EYS: variants seen among roughly 807,000 people sequenced by gnomAD.
EYS encodes protein eyes shut homolog.
EYS carries 250 observed loss-of-function variants against 282.1 expected under a neutral mutation model. The observed-to-expected ratio is 0.89, with a 90% CI of 0.80 to 0.98. The LOEUF (loss-of-function observed/expected upper bound fraction) is 0.98. Ranked by LOEUF, EYS falls within the 50% of genes least tolerant of loss-of-function variation. The probability of loss-of-function intolerance (pLI) is 0.00; values close to 1 mark genes in which losing one functional copy is unlikely to be tolerated. For synonymous variants in EYS, 1,355 were observed against 1,282.9 expected (o/e 1.06, Z -1.20); for missense variants, 4,016 against 3,709.0 (o/e 1.08, Z -2.15).
chr6:64,017,782 T>C (rs986043530), intron 33 of EYS, among the ~76,000 whole-genome samples: 1 of 152,212 alleles, frequency 6.6e-6, no homozygotes, highest in Non-Finnish European at 1.5e-5. Context: ...ACAGTCAATA[T>C]GCTCGTAATG....
chr6:65,552,732 G>A (rs999804339), intron 2 of EYS, among the ~76,000 whole-genome samples: 1 of 151,788 alleles, frequency 6.6e-6, no homozygotes, highest in African/African-American at 2.4e-5. Flanking sequence ...TTCTCACAAG[G>A]GGTTCAAACC....
In EYS at chr6:65,295,953, C is replaced by T. The variant is rs2150286271; in HGVS notation, c.1933G>A (p.Glu645Lys). The change falls in exon 12 of 43, where the codon GAA (glutamate) becomes AAA (lysine). Residue 645 changes from glutamate to lysine, a missense_variant. Transcript: ENST00000503581. The part of the protein sequence containing the change: ...YERNICEIDT[E>K]DCKSASCKNG... ...TTGCAGGACGCAGATTTGCAGTCTT[C>T]AGTATCTATCTCACAGATGTTCCTT... The T allele has an allele frequency of 1.9e-6, 3 of 1,551,088 alleles. No individual in the cohort carries two copies. The highest frequency in any genetic ancestry group is 1.4e-5 in the African/African-American group (1 of 73,080).
intron 22 of EYS, among the ~76,000 whole-genome samples, chr6:64,808,071 TTCCCTTCCCTTCC>T (rs1438033007): frequency 6.9e-6 from 1 of 144,156 alleles, no homozygotes; most frequent in Admixed American, 7.1e-5. Context: ...TTCCCTTTCT[TTCCCTTCCCTTCC>T]TCCCTTCCCT....
intron 28 of EYS, among the ~76,000 whole-genome samples, chr6:64,419,345 T>C (rs916188398): frequency 6.6e-6 from 1 of 152,096 alleles, no homozygotes; most frequent in Non-Finnish European, 1.5e-5. Flanking sequence ...AAGATGAGAT[T>C]TGGGTGAGGA....
At chr6:63,962,122 A>G (rs995786196) in intron 35 of EYS, among the ~76,000 whole-genome samples, 5 of 152,228 alleles carry the variant, frequency 3.3e-5, no homozygotes, top group African/African-American at 1.2e-4. Flanking sequence ...GATGGATTAA[A>G]GACTTAGATG....
intron 35 of EYS, among the ~76,000 whole-genome samples, chr6:63,898,133 C>T (rs1385886388): frequency 3.3e-5 from 5 of 152,244 alleles, no homozygotes; most frequent in East Asian, 3.9e-4. Context: ...TCCCTAATAA[C>T]GATTTCTGTA....
At chr6:65,592,039 G>A (rs891527184) in intron 2 of EYS, among the ~76,000 whole-genome samples, 3 of 151,682 alleles carry the variant, frequency 2.0e-5, no homozygotes, top group Admixed American at 6.6e-5. Context: ...TTTTGAAAAT[G>A]GTATTTCTAG....
At chr6:65,542,261 T>C (rs1768194778) in intron 2 of EYS, among the ~76,000 whole-genome samples, 1 of 152,148 alleles carries the variant, frequency 6.6e-6, no homozygotes, top group African/African-American at 2.4e-5. Flanking sequence ...ATCAACTAGA[T>C]ATAGTAGGCA....
At chr6:64,446,392 T>C (rs572934072) in intron 26 of EYS, among the ~76,000 whole-genome samples, 2 of 152,060 alleles carry the variant, frequency 1.3e-5, no homozygotes, top group Non-Finnish European at 2.9e-5. Flanking sequence ...AAATGAATAA[T>C]AGAAACTCTG....
At chr6:63,820,384 TA>T (rs1437094243) in intron 36 of EYS, among the ~76,000 whole-genome samples, 3 of 152,206 alleles carry the variant, frequency 2.0e-5, no homozygotes, top group African/African-American at 7.2e-5. Context: ...ACCTCACAAA[TA>T]GTTTCTTCAA....
At chr6:64,691,895 T>A (rs971974215) in intron 22 of EYS, among the ~76,000 whole-genome samples, 3 of 152,190 alleles carry the variant, frequency 2.0e-5, no homozygotes, top group African/African-American at 7.2e-5. Context: ...TTATCCAATC[T>A]ATAATTGATG....
At chr6:64,822,617 C>T in intron 20 of EYS, 34 bp downstream of exon 20, 3 of 1,467,576 alleles carry the variant, frequency 2.0e-6, no homozygotes, top group Non-Finnish European at 2.7e-6. Flanking sequence ...GTTAAATATA[C>T]TTTCATAAAG....
At chr6:65,327,120 A>G (rs1769644050) in intron 11 of EYS, among the ~76,000 whole-genome samples, 1 of 151,696 alleles carries the variant, frequency 6.6e-6, no homozygotes, top group South Asian at 2.1e-4. Flanking sequence ...TATTACGTCA[A>G]CATAAAGCTA....
At chr6:63,942,076 G>A (rs1236767150) in intron 35 of EYS, among the ~76,000 whole-genome samples, 1 of 152,144 alleles carries the variant, frequency 6.6e-6, no homozygotes, top group Non-Finnish European at 1.5e-5. Flanking sequence ...AAAACATGAT[G>A]TCTCTAATTC....
rs1768624522 is a variant in EYS at position 63,726,583 on chromosome 6, C to T, written c.8169G>A (p.Gln2723=). The part of the protein sequence containing the change: ...HVRKKTHIQL[Q]FQPLAADGIL... Reference sequence around the variant, plus strand: ...TACCATCTGCAGCGAGAGGCTGAAACTGCAATTGAATATGTGTCTTTTTTC... The same window carrying T: ...TACCATCTGCAGCGAGAGGCTGAAATTGCAATTGAATATGTGTCTTTTTTC... The change falls in exon 42 of 43, where the codon CAG becomes CAA. Residue 2723 remains glutamine, a synonymous_variant. Coordinates refer to ENST00000503581, the MANE Select transcript of EYS (RefSeq NM_001142800.2). The T allele has an allele frequency of 6.4e-7, 1 of 1,551,330 alleles. No individual in the cohort carries two copies. The highest frequency in any genetic ancestry group is 8.7e-7 in the Non-Finnish European group (1 of 1,146,788).
chr6:63,852,495 C>T (rs1772284890), intron 36 of EYS, among the ~76,000 whole-genome samples: 1 of 152,064 alleles, frequency 6.6e-6, no homozygotes, highest in Non-Finnish European at 1.5e-5. Flanking sequence ...AATTAATAGC[C>T]TACCAACCAA....
intron 2 of EYS, among the ~76,000 whole-genome samples, chr6:65,571,263 A>G (rs1764468874): frequency 6.6e-6 from 1 of 151,914 alleles, no homozygotes; most frequent in South Asian, 2.1e-4. Context: ...CAGCTAAAAT[A>G]TATATATATA....
chr6:65,139,394 G>A (rs1764263730), intron 12 of EYS, among the ~76,000 whole-genome samples: 1 of 152,014 alleles, frequency 6.6e-6, no homozygotes, highest in Admixed American at 6.6e-5. Flanking sequence ...AGTACCTATA[G>A]ACACAAAGAA....
At chr6:64,202,075 G>T (rs1477863702) in intron 31 of EYS, among the ~76,000 whole-genome samples, 2 of 152,028 alleles carry the variant, frequency 1.3e-5, no homozygotes, top group East Asian at 3.8e-4. Context: ...GTACTATCAA[G>T]TTTTGGGGTA....
Sources: gnomAD v4.1 joint callset for allele counts (sites outside exome capture counted in the v4.1 genomes callset) on GRCh38, gnomAD v4.1.1 for gene constraint, MANE v1.5 for transcripts, NCBI Gene and HGNC (gene_info 2026-07-23, HGNC 2026-07-21) for gene names.